The following HS3ST4 variants were observed in gnomAD, a reference collection of about 807,000 sequenced individuals.
The protein encoded by HS3ST4 is heparan sulfate glucosamine 3-O-sulfotransferase 4.
A neutral mutation model predicts 29.2 loss-of-function variants in HS3ST4; 17 were observed. The ratio of observed to expected loss-of-function variants is 0.58; its 90% confidence interval spans 0.40 to 0.87. The LOEUF is 0.87. Ranked by LOEUF, HS3ST4 falls within the 40% of genes least tolerant of loss-of-function variation. The pLI is 0.00. For synonymous variants in HS3ST4, 314 were observed against 285.7 expected (o/e 1.10, Z -1.00); for missense variants, 627 against 634.5 (o/e 0.99, Z 0.13).
At chr16:25,890,393 G>C (rs1332673151) in intron 1 of HS3ST4, among the ~76,000 whole-genome samples, 1 of 152,210 alleles carries the variant, frequency 6.6e-6, no homozygotes, top group African/African-American at 2.4e-5. Flanking sequence ...TTAGGTCTTG[G>C]AATGTGACAT....
At position 26,137,620 on chromosome 16, in the gene HS3ST4, G is replaced by A. The variant is rs565869169; in HGVS notation, c.*1372G>A. 6.6e-5 allele frequency: 10 copies of A among 152,188 alleles called. No individual in the cohort carries two copies. Among genetic ancestry groups the A allele is most frequent in the Non-Finnish European group, 1.5e-4 (10 of 68,034 alleles). 9.4% of individuals were successfully genotyped at this position (152,188 alleles called of 1,614,324 possible). ...TGGGGGGAGTTAAATCTGTTCAGCT[G>A]TTATTAAACTGTCATTTCTCCCGCT... is the stretch of plus-strand genomic sequence containing the variant. On this transcript the variant is annotated 3_prime_UTR_variant, in exon 2 of 2. Coordinates refer to ENST00000331351, the MANE Select transcript of HS3ST4 (RefSeq NM_006040.3).
At chr16:25,822,860 C>T (rs1489691018) in intron 1 of HS3ST4, among the ~76,000 whole-genome samples, 5 of 152,132 alleles carry the variant, frequency 3.3e-5, no homozygotes, top group Non-Finnish European at 5.9e-5. Flanking sequence ...GCCTCAGCCT[C>T]CCAAGTAGCT....
chr16:25,695,826 T>C (rs1966291690), intron 1 of HS3ST4, among the ~76,000 whole-genome samples: 1 of 152,214 alleles, frequency 6.6e-6, no homozygotes, highest in Non-Finnish European at 1.5e-5. Context: ...TTATTTATTG[T>C]TATTTTGTTT....
At chr16:26,024,458 G>A (rs117002225) in intron 1 of HS3ST4, among the ~76,000 whole-genome samples, 1,679 of 152,230 alleles carry the variant, frequency 0.011, 10 homozygotes, top group Non-Finnish European at 0.015. Flanking sequence ...AGGGCTGGGC[G>A]CAGTAGCTTA....
chr16:26,134,362 C>CTT (rs60068546), intron 1 of HS3ST4, among the ~76,000 whole-genome samples: 8 of 76,806 alleles, frequency 1.0e-4, no homozygotes, highest in Admixed American at 1.6e-4. Flanking sequence ...CTTTTCTTTT[C>CTT]TTTTTTTTTT....
intron 1 of HS3ST4, among the ~76,000 whole-genome samples, chr16:25,728,071 G>A (rs571345859): frequency 2.0e-5 from 3 of 152,114 alleles, no homozygotes; most frequent in Admixed American, 6.5e-5. Flanking sequence ...GTGCCATCTC[G>A]GCTCACTGCA....
intron 1 of HS3ST4, among the ~76,000 whole-genome samples, chr16:25,763,610 G>A (rs1224478776): frequency 6.6e-6 from 1 of 152,180 alleles, no homozygotes; most frequent in Non-Finnish European, 1.5e-5. Flanking sequence ...GCCATGTGAA[G>A]TGTGGCTAGG....
At chr16:25,699,626 G>A (rs1966321454) in intron 1 of HS3ST4, among the ~76,000 whole-genome samples, 1 of 152,208 alleles carries the variant, frequency 6.6e-6, no homozygotes, top group South Asian at 2.1e-4. Flanking sequence ...CTTAGGTGAT[G>A]AAGGTATTTT....
chr16:26,092,510 T>G (rs1898869495), intron 1 of HS3ST4, among the ~76,000 whole-genome samples: 1 of 152,182 alleles, frequency 6.6e-6, no homozygotes, highest in Non-Finnish European at 1.5e-5. Context: ...CTTATGTACC[T>G]CTGGATCTTT....
At chr16:26,012,683 G>C (rs1969321348) in intron 1 of HS3ST4, among the ~76,000 whole-genome samples, 1 of 152,198 alleles carries the variant, frequency 6.6e-6, no homozygotes, top group Admixed American at 6.5e-5. Flanking sequence ...CCACATTTCA[G>C]AATGTATAGA....
At chr16:26,127,429 A>AT (rs978777873) in intron 1 of HS3ST4, among the ~76,000 whole-genome samples, 4 of 152,236 alleles carry the variant, frequency 2.6e-5, no homozygotes, top group Admixed American at 6.5e-5. Context: ...CCTGGGCAAC[A>AT]TAGTGAGATC....
chr16:26,013,719 A>G (rs1029806665), intron 1 of HS3ST4, among the ~76,000 whole-genome samples: 3 of 152,132 alleles, frequency 2.0e-5, no homozygotes, highest in African/African-American at 4.8e-5. Flanking sequence ...GTTAAAAAGC[A>G]CCCACTCTGG....
intron 1 of HS3ST4, among the ~76,000 whole-genome samples, chr16:25,743,600 G>A (rs905278873): frequency 8.5e-5 from 13 of 152,134 alleles, no homozygotes; most frequent in Non-Finnish European, 1.9e-4. Flanking sequence ...CTGCCTCCCG[G>A]ATTCAAGTGA....
intron 1 of HS3ST4, among the ~76,000 whole-genome samples, chr16:25,927,404 C>T (rs977162283): frequency 6.6e-6 from 1 of 152,174 alleles, no homozygotes; most frequent in African/African-American, 2.4e-5. Flanking sequence ...AGAAATGAGG[C>T]CCCAGCTCTC....
intron 1 of HS3ST4, among the ~76,000 whole-genome samples, chr16:25,750,913 T>G (rs774662943): frequency 6.6e-6 from 1 of 152,156 alleles, no homozygotes; most frequent in Non-Finnish European, 1.5e-5. Flanking sequence ...TTTGAATGAG[T>G]CTCTATCATT....
intron 1 of HS3ST4, among the ~76,000 whole-genome samples, chr16:25,959,283 A>G (rs187961675): frequency 1.5e-3 from 224 of 152,358 alleles, no homozygotes; most frequent in African/African-American, 5.3e-3. Context: ...ATTTTAGACA[A>G]TCCTTAAACA....
intron 1 of HS3ST4, among the ~76,000 whole-genome samples, chr16:25,857,915 C>CTTTCTTTCTTT (rs1567257065): frequency 1.3e-4 from 7 of 55,348 alleles, no homozygotes; most frequent in South Asian, 5.5e-4. Flanking sequence ...TTCCTTCCTT[C>CTTTCTTTCTTT]CTTCCTTTCT....
intron 1 of HS3ST4, among the ~76,000 whole-genome samples, chr16:25,715,075 C>G (rs1295815617): frequency 6.6e-6 from 1 of 151,948 alleles, no homozygotes; most frequent in Non-Finnish European, 1.5e-5. Flanking sequence ...GTAATCCCAG[C>G]ACTTTGGGAG....
chr16:26,060,923 C>T (rs1177156960), intron 1 of HS3ST4, among the ~76,000 whole-genome samples: 1 of 152,184 alleles, frequency 6.6e-6, no homozygotes, highest in African/African-American at 2.4e-5. Context: ...CTGTTATCCA[C>T]ATACTGAGGT....
Sources: allele counts gnomAD v4.1 joint callset (sites outside exome capture counted in the v4.1 genomes callset), GRCh38; gene constraint gnomAD v4.1.1; transcripts MANE v1.5; gene names NCBI Gene and HGNC (gene_info 2026-07-23, HGNC 2026-07-21).